Variants in KIF26B observed in about 807,000 individuals in gnomAD.
The protein encoded by KIF26B is kinesin-like protein KIF26B.
KIF26B carries 63 observed loss-of-function variants against 151.2 expected under a neutral mutation model. That is an observed-to-expected ratio of 0.42 (90% confidence interval 0.34 to 0.51). The LOEUF (loss-of-function observed/expected upper bound fraction) is 0.51. Ranked by LOEUF, KIF26B falls within the 20% of genes least tolerant of loss-of-function variation. The probability of loss-of-function intolerance (pLI) is 0.07; values close to 1 mark genes in which losing one functional copy is unlikely to be tolerated. For synonymous variants in KIF26B, 1,357 were observed against 1,262.1 expected, an observed-to-expected ratio of 1.08 and a Z score of -1.59; for missense variants, 2,813 against 2,913.6, an observed-to-expected ratio of 0.97 and a Z score of 0.79.
chr1:245,642,796 G>C (rs540996374), intron 9 of KIF26B, among the ~76,000 whole-genome samples: 1 of 152,244 alleles, frequency 6.6e-6, no homozygotes, highest in African/African-American at 2.4e-5. Context: ...TGTAGAGATA[G>C]AATAGTTATC....
chr1:245,332,139 A>T (rs1672126894), intron 2 of KIF26B, among the ~76,000 whole-genome samples: 1 of 152,078 alleles, frequency 6.6e-6, no homozygotes, highest in Non-Finnish European at 1.5e-5. Context: ...ATAAATAAAT[A>T]GCAATAAAAA....
intron 10 of KIF26B, among the ~76,000 whole-genome samples, chr1:245,669,525 T>C (rs567464355): frequency 2.0e-5 from 3 of 152,306 alleles, no homozygotes; most frequent in African/African-American, 7.2e-5. Flanking sequence ...AGGAATCTTA[T>C]GGACATTTCT....
chr1:245,517,758 G>T (rs188337226), intron 4 of KIF26B, among the ~76,000 whole-genome samples: 1 of 152,132 alleles, frequency 6.6e-6, no homozygotes, highest in East Asian at 1.9e-4. Context: ...TATTAGAGTT[G>T]GGTCTAGAAG....
chr1:245,169,330 T>TGTGTGG (rs1553330289), intron 2 of KIF26B, among the ~76,000 whole-genome samples: 5,205 of 142,226 alleles, frequency 0.037, 127 homozygotes, highest in East Asian at 0.069. Flanking sequence ...CGGGCCATGG[T>TGTGTGG]GTGTGTGTGT....
chr1:245,577,835 CG>C (rs1295727755), intron 5 of KIF26B, among the ~76,000 whole-genome samples: 7 of 143,654 alleles, frequency 4.9e-5, no homozygotes, highest in South Asian at 4.6e-4. Flanking sequence ...ATCTCCTCAC[CG>C]GAAGAGCTTT....
At chr1:245,186,566 GA>G (rs1352484566) in intron 2 of KIF26B, among the ~76,000 whole-genome samples, 1 of 152,158 alleles carries the variant, frequency 6.6e-6, no homozygotes, top group East Asian at 1.9e-4. Context: ...AGTCAAAGGT[GA>G]GAGGTCATGA....
intron 2 of KIF26B, among the ~76,000 whole-genome samples, chr1:245,257,787 C>T (rs1670565541): frequency 6.6e-6 from 1 of 152,108 alleles, no homozygotes; most frequent in South Asian, 2.1e-4. Context: ...TTTGGGAGGC[C>T]AACGTGGACG....
chr1:245,433,501 G>A (rs1658831823), intron 4 of KIF26B, among the ~76,000 whole-genome samples: 2 of 150,948 alleles, frequency 1.3e-5, no homozygotes, highest in Admixed American at 1.3e-4. Flanking sequence ...AGAAGAAGAA[G>A]TAAGAAGTTA....
intron 5 of KIF26B, among the ~76,000 whole-genome samples, chr1:245,575,280 G>C (rs1049492670): frequency 1.3e-5 from 2 of 151,886 alleles, no homozygotes; most frequent in East Asian, 2.0e-4. Context: ...TTCGAGACCA[G>C]CCTGGTCAAC....
intron 2 of KIF26B, among the ~76,000 whole-genome samples, chr1:245,332,145 A>C (rs1374482311): frequency 6.6e-6 from 1 of 152,084 alleles, no homozygotes; most frequent in African/African-American, 2.4e-5. Flanking sequence ...AAATAGCAAT[A>C]AAAAATGAAG....
At chr1:245,452,397 G>C (rs1558171758) in intron 4 of KIF26B, among the ~76,000 whole-genome samples, 1 of 152,110 alleles carries the variant, frequency 6.6e-6, no homozygotes, top group Non-Finnish European at 1.5e-5. Flanking sequence ...ATGCTGCTAT[G>C]AACGATGGTG....
At chr1:245,288,092 T>G (rs1671197781) in intron 2 of KIF26B, among the ~76,000 whole-genome samples, 1 of 152,190 alleles carries the variant, frequency 6.6e-6, no homozygotes, top group Non-Finnish European at 1.5e-5. Flanking sequence ...GTACCATCTC[T>G]TCATCCCACT....
chr1:245,369,168 TGAGAGAGAGAGAGA>T (rs112848389), intron 3 of KIF26B, among the ~76,000 whole-genome samples: 9 of 135,762 alleles, frequency 6.6e-5, no homozygotes, highest in African/African-American at 7.8e-5. Flanking sequence ...AAAAGAAGAG[TGAGAGAGAGAGAGA>T]GAGAGAGAGA....
rs1351359992 is a variant in KIF26B at position 245,707,842 on chromosome 1, C to T, written c.*5236C>T. 4.6e-5 allele frequency: 7 copies of T among 152,186 alleles called. No individual in the cohort carries two copies. The East Asian group carries it at 1.3e-3, about 29-fold the overall frequency. The allele number at this position is 152,186 out of a possible 1,614,324, so 9.4% of individuals were successfully genotyped here. A position where few individuals can be genotyped will look rare whatever the true frequency, so the allele number is the denominator to read the frequency against. On this transcript the variant is annotated 3_prime_UTR_variant, in exon 15 of 15. Transcript: ENST00000407071. The stretch of plus-strand genomic sequence containing the variant: ...TGCACGGAAGAGGACTCAGCCTCTT[C>T]CTAATGGTTCAACATTCAATTCCTG...
At chr1:245,249,259 G>A (rs184154398) in intron 2 of KIF26B, among the ~76,000 whole-genome samples, 19 of 152,034 alleles carry the variant, frequency 1.2e-4, no homozygotes, top group African/African-American at 4.6e-4. Context: ...ACCATGCCTG[G>A]CTAATTTTTT....
At chr1:245,435,955 G>T (rs531262904) in intron 4 of KIF26B, among the ~76,000 whole-genome samples, 1 of 152,230 alleles carries the variant, frequency 6.6e-6, no homozygotes, top group African/African-American at 2.4e-5. Flanking sequence ...AAGGTGGGTG[G>T]ATCACGAGGT....
Position 245,367,227 on chromosome 1 carries a change from C to T in KIF26B, c.859C>T (p.Gln287Ter). The change falls in exon 3 of 15, where the codon CAG (glutamine) becomes TAG (stop). Residue 287 changes from glutamine to a stop codon, truncating the protein, a stop_gained. Transcript: ENST00000407071. LOFTEE classifies it high-confidence loss of function. This position sits in a 1 kb window ranked among gnomAD's most constrained non-coding sequence, Gnocchi z 4.2. ...AEKKSGSPTH[Q>*]AKVSLQMATS... ...AAAGAAGAGCGGGTCCCCAACCCACCAGGCCAAGGTCAGCCTCCAGATGGC... is the reference window on the plus strand; with the variant it reads ...AAAGAAGAGCGGGTCCCCAACCCACTAGGCCAAGGTCAGCCTCCAGATGGC... 2 of 1,609,772 alleles carry T rather than the reference C, an allele frequency of 1.2e-6. No individual in the cohort carries two copies. Among genetic ancestry groups the T allele is most frequent in the Non-Finnish European group, 1.7e-6 (2 of 1,178,068 alleles).
chr1:245,701,632 T>TATC (rs1553307900), intron 14 of KIF26B, among the ~76,000 whole-genome samples: 2 of 152,098 alleles, frequency 1.3e-5, no homozygotes, highest in South Asian at 2.1e-4. Flanking sequence ...TGTTCATTAT[T>TATC]ATCTCATTTT....
At position 245,241,687 on chromosome 1, in the gene KIF26B, C is replaced by T. The variant is rs978710739; in HGVS notation, c.465+85004C>T. On this transcript the variant is annotated intron_variant, in intron 2 of 14. Transcript: ENST00000407071. The surrounding 1 kb of genome is among the most constrained non-coding windows in gnomAD (Gnocchi z 5.0). ...TCCACGGGAACAGCTGCTATGGCGG[C>T]GGACACAGCCCCGTCCAGGGCCCAT... Among the ~76,000 whole-genome samples, 3 of 152,210 alleles carry T rather than the reference C, an allele frequency of 2.0e-5. No homozygotes were observed. The highest frequency in any genetic ancestry group is 4.4e-5 in the Non-Finnish European group (3 of 68,040).
Sources: allele counts gnomAD v4.1 joint callset (sites outside exome capture counted in the v4.1 genomes callset), GRCh38; gene constraint gnomAD v4.1.1; non-coding constraint Gnocchi (gnomAD v3.1); transcripts MANE v1.5; gene names NCBI Gene and HGNC (gene_info 2026-07-23, HGNC 2026-07-21).